Variants in TIMP3 observed in about 807,000 individuals in gnomAD.
TIMP3 encodes metalloproteinase inhibitor 3.
A neutral mutation model predicts 30.0 loss-of-function variants in TIMP3; 11 were observed. That is an observed-to-expected ratio of 0.37 (90% confidence interval 0.23 to 0.61). The LOEUF (loss-of-function observed/expected upper bound fraction) is 0.61, where lower values mean the gene tolerates loss of function less well. TIMP3 is among the 20% of genes least tolerant of loss of function. The pLI is 0.70. For missense variants in TIMP3, 181 were observed against 276.8 expected, an observed-to-expected ratio of 0.65 and a Z score of 2.45; for synonymous variants, 112 against 111.3, an observed-to-expected ratio of 1.01 and a Z score of -0.04.
At chr22:32,828,940 C>A (rs1039138777) in intron 1 of TIMP3, among the ~76,000 whole-genome samples, 4 of 152,008 alleles carry the variant, frequency 2.6e-5, no homozygotes, top group Admixed American at 1.3e-4. Flanking sequence ...AGGGGAAAGA[C>A]AAAAAACAAG....
At chr22:32,822,155 CAAA>C (rs35312009) in intron 1 of TIMP3, among the ~76,000 whole-genome samples, 3 of 108,272 alleles carry the variant, frequency 2.8e-5, no homozygotes, top group Non-Finnish European at 3.6e-5. Context: ...AACTCCATCT[CAAA>C]AAAAAAAAAA....
chr22:32,857,167 T>C, intron 2 of TIMP3, 82 bp from the exon 3 acceptor site: 1 of 1,053,382 alleles, frequency 9.5e-7, no homozygotes, highest in Non-Finnish European at 1.5e-6. Context: ...TTCCTTTGGA[T>C]ACATACCCAG....
At chr22:32,850,021 G>A (rs1184683994) in intron 2 of TIMP3, among the ~76,000 whole-genome samples, 1 of 151,306 alleles carries the variant, frequency 6.6e-6, no homozygotes, top group Non-Finnish European at 1.5e-5. Context: ...CATGGAAACT[G>A]TGCTGATCAC....
chr22:32,836,983 C>T (rs749381282), intron 1 of TIMP3, among the ~76,000 whole-genome samples: 3 of 152,182 alleles, frequency 2.0e-5, no homozygotes, highest in Non-Finnish European at 2.9e-5. Context: ...GCTGCATCTG[C>T]GGGTCTGGCG....
chr22:32,854,370 G>A (rs568357434), intron 2 of TIMP3, among the ~76,000 whole-genome samples: 36 of 152,246 alleles, frequency 2.4e-4, no homozygotes, highest in African/African-American at 8.7e-4. Flanking sequence ...TTCTTACTGA[G>A]CAGTTCAAAT....
intron 2 of TIMP3, among the ~76,000 whole-genome samples, chr22:32,853,211 A>G (rs2048271776): frequency 6.6e-6 from 1 of 152,228 alleles, no homozygotes; most frequent in South Asian, 2.1e-4. Context: ...TTCCTGCCTT[A>G]GGACTCTCAT....
intron 1 of TIMP3, among the ~76,000 whole-genome samples, chr22:32,825,355 T>A (rs1021962032): frequency 1.3e-5 from 2 of 152,084 alleles, no homozygotes; most frequent in African/African-American, 4.8e-5. Context: ...ATCAGGTAAG[T>A]ATGCTAAGAT....
chr22:32,811,050 A>G (rs2046903095), intron 1 of TIMP3, among the ~76,000 whole-genome samples: 1 of 152,114 alleles, frequency 6.6e-6, no homozygotes, highest in African/African-American at 2.4e-5. Context: ...AATGTTTAGC[A>G]CTAAATATTC....
Position 32,859,392 on chromosome 22 carries a change from C to A in TIMP3, c.*15C>A. 6.2e-7 allele frequency: 1 copy of A among 1,604,296 alleles called. No homozygotes were observed. The highest frequency in any genetic ancestry group is 8.5e-7 in the Non-Finnish European group (1 of 1,178,944). ...CAGACCCCTGAGCGCCAGACCCTGC[C>A]CCACCTCACTTCCCTCCCTTCCCGC... On this transcript the variant is annotated 3_prime_UTR_variant, in exon 5 of 5. Coordinates refer to ENST00000266085, the MANE Select transcript of TIMP3 (RefSeq NM_000362.5).
chr22:32,844,303 A>ACG (rs1569270019), intron 1 of TIMP3, among the ~76,000 whole-genome samples: 1 of 152,016 alleles, frequency 6.6e-6, no homozygotes, highest in African/African-American at 2.4e-5. Flanking sequence ...TTCTGGAGAC[A>ACG]CACCAGTAAG....
At chr22:32,816,567 A>T (rs577886840) in intron 1 of TIMP3, among the ~76,000 whole-genome samples, 2 of 152,286 alleles carry the variant, frequency 1.3e-5, no homozygotes, top group East Asian at 3.9e-4. Flanking sequence ...TGTCAGGGAA[A>T]GACAAGTTCA....
chr22:32,809,560 A>G (rs759245077), intron 1 of TIMP3, among the ~76,000 whole-genome samples: 4 of 152,098 alleles, frequency 2.6e-5, no homozygotes, highest in African/African-American at 9.7e-5. Context: ...TTTCCCTCCA[A>G]TAAGTTCTGT....
chr22:32,858,212 ACTGG>A, intron 4 of TIMP3, 74 bp downstream of exon 4: 1 of 1,593,284 alleles, frequency 6.3e-7, no homozygotes, highest in Admixed American at 1.7e-5. Context: ...CTCCCAATGC[ACTGG>A]GTGCCAGGCC....
chr22:32,802,511 TAA>T (rs879693641), intron 1 of TIMP3, among the ~76,000 whole-genome samples: 16 of 137,696 alleles, frequency 1.2e-4, no homozygotes, highest in African/African-American at 1.6e-4. Flanking sequence ...ATTGAATAGT[TAA>T]AAAAAAAAAA....
intron 1 of TIMP3, among the ~76,000 whole-genome samples, chr22:32,833,365 C>A (rs2047634791): frequency 6.6e-6 from 1 of 152,062 alleles, no homozygotes; most frequent in Admixed American, 6.6e-5. Context: ...TTTTTGTAAG[C>A]CCAAGATGTC....
intron 1 of TIMP3, among the ~76,000 whole-genome samples, chr22:32,826,615 G>GA (rs965851808): frequency 8.6e-5 from 13 of 152,004 alleles, no homozygotes; most frequent in African/African-American, 2.9e-4. Flanking sequence ...AAGAAAGAAA[G>GA]AAAAAAACTA....
chr22:32,846,880 A>G (rs1332156326), intron 1 of TIMP3, among the ~76,000 whole-genome samples: 4 of 152,200 alleles, frequency 2.6e-5, no homozygotes, highest in Non-Finnish European at 5.9e-5. Context: ...TTTTCACTGA[A>G]CTATCCTCAG....
At chr22:32,856,054 A>G (rs1427378) in intron 2 of TIMP3, among the ~76,000 whole-genome samples, 40,272 of 152,024 alleles carry the variant, frequency 0.26, 5,638 homozygotes, top group African/African-American at 0.35. Flanking sequence ...GCCAAATAGA[A>G]TTTCTATAAA....
At chr22:32,820,271 T>C (rs7511046) in intron 1 of TIMP3, among the ~76,000 whole-genome samples, 2,080 of 144,878 alleles carry the variant, frequency 0.014, 31 homozygotes, top group African/African-American at 0.035. Context: ...TGCGTGCGCG[T>C]GTGTGTGTGT....
Sources: gnomAD v4.1 joint callset for allele counts (sites outside exome capture counted in the v4.1 genomes callset) on GRCh38, gnomAD v4.1.1 for gene constraint, MANE v1.5 for transcripts, NCBI Gene and HGNC (gene_info 2026-07-23, HGNC 2026-07-21) for gene names.